PPP6R2: variants seen among roughly 807,000 people sequenced by gnomAD.
The protein encoded by PPP6R2 is serine/threonine-protein phosphatase 6 regulatory subunit 2.
A neutral mutation model predicts 100.2 loss-of-function variants in PPP6R2; 62 were observed. That is an observed-to-expected ratio of 0.62 (90% confidence interval 0.50 to 0.76). PPP6R2 has a LOEUF of 0.76. Among genes scored for constraint, PPP6R2 ranks in the 30% least tolerant of loss-of-function variants. The probability of loss-of-function intolerance (pLI) is 0.00; values close to 1 mark genes in which losing one functional copy is unlikely to be tolerated. For missense variants in PPP6R2, 1,142 were observed against 1,276.3 expected, an observed-to-expected ratio of 0.89 and a Z score of 1.60; for synonymous variants, 525 against 514.7, an observed-to-expected ratio of 1.02 and a Z score of -0.27.
intron 8 of PPP6R2, among the ~76,000 whole-genome samples, chr22:50,421,546 A>AT (rs1354318858): frequency 6.6e-6 from 1 of 152,326 alleles, no homozygotes; most frequent in Non-Finnish European, 1.5e-5. Context: ...TACTTTAAAA[A>AT]ATATATGATT....
intron 1 of PPP6R2, among the ~76,000 whole-genome samples, chr22:50,370,941 G>A (rs999573260): frequency 1.3e-5 from 2 of 151,814 alleles, no homozygotes; most frequent in African/African-American, 4.9e-5. Flanking sequence ...CACAAATGTA[G>A]GACCTATTTC....
Position 50,432,297 on chromosome 22 carries a change from C to A in PPP6R2, c.1368C>A (p.Ile456=), listed in dbSNP as rs759321282. The change falls in exon 12 of 24, where the codon ATC becomes ATA. Residue 456 remains isoleucine, a synonymous_variant. Transcript: ENST00000612753. Reference sequence around the variant, plus strand: ...AGAAGTGCTGCCTGGTGCAGAGGATCCTGGAGGCCTGGGAAGCCAACGACC... The same window carrying A: ...AGAAGTGCTGCCTGGTGCAGAGGATACTGGAGGCCTGGGAAGCCAACGACC... ...LFQKCCLVQR[I]LEAWEANDHT... The A allele has an allele frequency of 1.3e-6, 2 of 1,549,604 alleles. No individual in the cohort carries two copies. The highest frequency in any genetic ancestry group is 2.7e-5 in the African/African-American group (2 of 72,990).
intron 3 of PPP6R2, among the ~76,000 whole-genome samples, chr22:50,399,492 C>T (rs972182797): frequency 6.6e-6 from 1 of 152,280 alleles, no homozygotes; most frequent in South Asian, 2.1e-4. Flanking sequence ...CTCCCGCAAC[C>T]TGTTAGCCTT....
At chr22:50,405,326 A>AGAGAGGTGAGG (rs2058681029) in intron 3 of PPP6R2, among the ~76,000 whole-genome samples, 1 of 74,746 alleles carries the variant, frequency 1.3e-5, no homozygotes, top group Non-Finnish European at 3.0e-5. Flanking sequence ...GAGAGGTGAG[A>AGAGAGGTGAGG]GGCCTGGCAG....
chr22:50,382,206 A>G (rs2148686551), intron 2 of PPP6R2, among the ~76,000 whole-genome samples: 1 of 152,342 alleles, frequency 6.6e-6, no homozygotes, highest in South Asian at 2.1e-4. Context: ...TGGTGATACT[A>G]TTATGTATGT....
At chr22:50,395,755 C>T (rs984015593) in intron 3 of PPP6R2, among the ~76,000 whole-genome samples, 3 of 151,694 alleles carry the variant, frequency 2.0e-5, no homozygotes, top group Admixed American at 1.3e-4. Context: ...TTTGTAGAGA[C>T]GGGGTTTCAC....
chr22:50,439,125 A>C (rs1036160852), intron 19 of PPP6R2, among the ~76,000 whole-genome samples: 1 of 152,126 alleles, frequency 6.6e-6, no homozygotes, highest in Non-Finnish European at 1.5e-5. Context: ...GCCGACATCT[A>C]TGGCAGGAGC....
chr22:50,422,444 G>C, intron 9 of PPP6R2, 64 bp downstream of exon 9: 1 of 1,588,806 alleles, frequency 6.3e-7, no homozygotes, highest in Non-Finnish European at 8.6e-7. Flanking sequence ...GATTTGCAGG[G>C]AGGAGAAGCC....
intron 11 of PPP6R2, among the ~76,000 whole-genome samples, 192 bp from the exon 12 acceptor site, chr22:50,432,073 C>G (rs986420781): frequency 6.6e-6 from 1 of 152,164 alleles, no homozygotes; most frequent in Non-Finnish European, 1.5e-5. Context: ...GCAGTATGAG[C>G]CCCGAACCGC....
At position 50,443,923 on chromosome 22, in the gene PPP6R2, G is replaced by C. The variant is rs747746072; in HGVS notation, c.2637G>C (p.Val879=). ...CTGCCTGCCCCGCGCCAAAGGAAGT[G>C]ACTGCTGCCCCAGCCGTGGCTGTGC... ...LSPACPAPKE[V]TAAPAVAVPP... is the part of the protein sequence containing the mutation. The change falls in exon 23 of 24, where the codon GTG becomes GTC. Residue 879 remains valine, a synonymous_variant. Transcript: ENST00000612753. 4 of 1,602,430 alleles carry C rather than the reference G, an allele frequency of 2.5e-6. No homozygotes were observed. In the South Asian group the frequency reaches 4.5e-5, roughly 18 times the overall value.
the PPP6R2 span, among the ~76,000 whole-genome samples, chr22:50,335,244 T>TA: frequency 2.6e-5 from 3 of 115,890 alleles, no homozygotes; most frequent in Non-Finnish European, 5.5e-5. Context: ...TTTTTTTTTT[T>TA]AGTAGAGATG....
rs765476879 is a variant in PPP6R2, at chr22:50,423,589, G to A, written c.1100G>A (p.Arg367Gln). 13 of 1,614,036 alleles carry A rather than the reference G, an allele frequency of 8.1e-6. 1 individual carries two copies. The East Asian group carries it at 8.9e-5, about 11-fold the overall frequency. The change falls in exon 10 of 24, where the codon CGG becomes CAG. Residue 367 changes from arginine to glutamine, a missense_variant. Physicochemically the swap from Arg to Gln is conservative, Grantham distance 43. This residue lies in a region of PPP6R2 where 592 missense variants were observed against 758.9 expected (regional missense o/e 0.78). Coordinates refer to ENST00000612753, the MANE Select transcript of PPP6R2 (RefSeq NM_001242898.2). This position sits in a 1 kb window ranked among gnomAD's most constrained non-coding sequence, Gnocchi z 4.8. ...NTPSINQELC[R>Q]LNTMDLLLDL... ...CCCAGCATCAACCAGGAGCTCTGCC[G>A]GCTCAACACGATGGACTTACTGCTG...
Position 50,435,089 on chromosome 22 carries a change from C to G in PPP6R2, c.1516+8C>G, listed in dbSNP as rs768311708. The G allele has an allele frequency of 2.3e-5, 35 of 1,524,060 alleles. 1 individual carries two copies. In the South Asian group the frequency reaches 4.4e-4, roughly 19 times the overall value. The allele number at this position is 1,524,060 out of a possible 1,614,324, so 94.4% of individuals were successfully genotyped here. A position where few individuals can be genotyped will look rare whatever the true frequency, so the allele number is the denominator to read the frequency against. On this transcript the variant is annotated splice_region_variant and intron_variant, in intron 13 of 23. Transcript: ENST00000612753. ...TCAGCGAGGTCATCCGAGGTGAGCC[C>G]CCAACCCGGTCATCCTTCTGCTGGT...
At chr22:50,337,781 T>G in the PPP6R2 span, among the ~76,000 whole-genome samples, 3 of 140,432 alleles carry the variant, frequency 2.1e-5, no homozygotes, top group East Asian at 6.7e-4. Context: ...GGTGTGTGTG[T>G]GGGTGTGTGT....
chr22:50,352,761 A>G (rs1388987278), intron 1 of PPP6R2, among the ~76,000 whole-genome samples: 1 of 151,298 alleles, frequency 6.6e-6, no homozygotes, highest in East Asian at 1.9e-4. Context: ...AACACACAAA[A>G]CAACAACAAC....
At chr22:50,341,545 G>A (rs1395231253), upstream of PPP6R2, among the ~76,000 whole-genome samples, 1 of 152,190 alleles carries the variant, frequency 6.6e-6, no homozygotes, top group East Asian at 1.9e-4. Flanking sequence ...GTGCTTTGCT[G>A]ATTACAGCAA....
At chr22:50,413,154 C>G (rs1427457047) in intron 4 of PPP6R2, among the ~76,000 whole-genome samples, 1 of 151,690 alleles carries the variant, frequency 6.6e-6, no homozygotes, top group South Asian at 2.1e-4. Flanking sequence ...ACGGGGTTTC[C>G]TCCATGTTGA....
At position 50,432,671 on chromosome 22, in the gene PPP6R2, C is replaced by T. The variant is rs138384597; in HGVS notation, c.1400+342C>T. ...GGAACTCGGGCCCTCCGTCAGCACT[C>T]GCACACAGGGACGCGTTATTTTGGT... On this transcript the variant is annotated intron_variant, in intron 12 of 23. Transcript: ENST00000612753. Among the ~76,000 whole-genome samples the T allele has an allele frequency of 4.4e-3, 668 of 152,350 alleles. 8 individuals are homozygous for T. The highest frequency in any genetic ancestry group is 0.015 in the African/African-American group (621 of 41,582).
chr22:50,425,704 G>A (rs1326476180), intron 10 of PPP6R2, among the ~76,000 whole-genome samples: 2 of 151,556 alleles, frequency 1.3e-5, no homozygotes, highest in Non-Finnish European at 2.9e-5. Flanking sequence ...TCTGATGTGC[G>A]TGTGGAACGG....
Sources: gnomAD v4.1 joint callset for allele counts (sites outside exome capture counted in the v4.1 genomes callset) on GRCh38, gnomAD v4.1.1 for gene constraint, gnomAD v4.1.1 regional missense constraint, Gnocchi (gnomAD v3.1) non-coding constraint, MANE v1.5 for transcripts, NCBI Gene and HGNC (gene_info 2026-07-23, HGNC 2026-07-21) for gene names.